SORCS2: variants seen among roughly 807,000 people sequenced by gnomAD.
SORCS2 encodes the protein VPS10 domain-containing receptor SorCS2.
In SORCS2, 100 loss-of-function variants were observed where a neutral mutation model predicts 141.6. That is an observed-to-expected ratio of 0.71 (90% CI 0.60 to 0.83). SORCS2 has a LOEUF of 0.83. Among genes scored for constraint, SORCS2 ranks in the 40% least tolerant of loss-of-function variants. The pLI is 0.00. For missense variants in SORCS2, 1,646 were observed against 1,560.2 expected (o/e 1.05, Z -0.93); for synonymous variants, 789 against 676.9 (o/e 1.17, Z -2.57).
intron 1 of SORCS2, among the ~76,000 whole-genome samples, chr4:7,316,468 G>T (rs1008933777): frequency 6.6e-6 from 1 of 152,158 alleles, no homozygotes; most frequent in African/African-American, 2.4e-5. Context: ...ACAAGTAAGT[G>T]GATACAAACT....
chr4:7,665,204 TC>T (rs1722431324), intron 7 of SORCS2, among the ~76,000 whole-genome samples: 4 of 152,064 alleles, frequency 2.6e-5, no homozygotes, highest in African/African-American at 9.7e-5. Context: ...CTTCCCAGCC[TC>T]CTCCTTTCCA....
At chr4:7,435,845 T>C (rs73086343) in intron 2 of SORCS2, among the ~76,000 whole-genome samples, 2,452 of 152,346 alleles carry the variant, frequency 0.016, 74 homozygotes, top group African/African-American at 0.057. Context: ...TCTGGCCTAA[T>C]TGCCAAACAG....
intron 1 of SORCS2, among the ~76,000 whole-genome samples, chr4:7,394,576 A>C: frequency 6.6e-6 from 1 of 151,002 alleles, no homozygotes; most frequent in Non-Finnish European, 1.5e-5. Context: ...AAGGCCCCAA[A>C]TGCTGGGGTT....
At chr4:7,512,190 G>A (rs554646823) in intron 2 of SORCS2, among the ~76,000 whole-genome samples, 3 of 152,210 alleles carry the variant, frequency 2.0e-5, no homozygotes, top group East Asian at 3.9e-4. Context: ...GAGAGCATCT[G>A]AGAGGCTCGC....
At chr4:7,597,752 G>A (rs987831826) in intron 3 of SORCS2, among the ~76,000 whole-genome samples, 1 of 152,066 alleles carries the variant, frequency 6.6e-6, no homozygotes, top group Admixed American at 6.5e-5. Flanking sequence ...ATTGCAGTAA[G>A]AGGAACATTC....
At chr4:7,561,535 T>A (rs951591125) in intron 3 of SORCS2, among the ~76,000 whole-genome samples, 1 of 150,078 alleles carries the variant, frequency 6.7e-6, no homozygotes, top group Non-Finnish European at 1.5e-5. Flanking sequence ...CATCCATCCA[T>A]GTATCCATTC....
At chr4:7,288,103 C>T (rs1405959877) in intron 1 of SORCS2, among the ~76,000 whole-genome samples, 7 of 152,094 alleles carry the variant, frequency 4.6e-5, no homozygotes, top group Non-Finnish European at 5.9e-5. Context: ...CCCGGGGTTT[C>T]GATGCAGTGT....
chr4:7,379,398 C>T (rs1033062860), intron 1 of SORCS2, among the ~76,000 whole-genome samples: 7 of 152,124 alleles, frequency 4.6e-5, no homozygotes, highest in East Asian at 1.9e-4. Flanking sequence ...GGTGGAAGCA[C>T]GAGAGGCGTA....
At chr4:7,410,948 C>CGTTT (rs1560262247) in intron 2 of SORCS2, among the ~76,000 whole-genome samples, 1 of 94,576 alleles carries the variant, frequency 1.1e-5, no homozygotes, top group Admixed American at 1.3e-4. Flanking sequence ...TTCTCTCCAT[C>CGTTT]CTTTTTTTTT....
chr4:7,667,122 A>T lies in SORCS2; in HGVS notation c.1072-2A>T. On this transcript the variant is annotated splice_acceptor_variant, in intron 7 of 26. Transcript: ENST00000507866. LOFTEE classifies it high-confidence loss of function. The stretch of plus-strand genomic sequence containing the variant: ...CAAAAATGTGTTTCTTCCCCCGGTT[A>T]GGCAACATCAGCAAACCAGACAAAA... The T allele has an allele frequency of 6.2e-7, 1 of 1,612,054 alleles. No homozygotes were observed. Among genetic ancestry groups the T allele is most frequent in the Non-Finnish European group, 8.5e-7 (1 of 1,178,202 alleles).
intron 2 of SORCS2, among the ~76,000 whole-genome samples, chr4:7,473,020 G>C (rs1161675255): frequency 6.6e-6 from 1 of 152,118 alleles, no homozygotes; most frequent in Non-Finnish European, 1.5e-5. Context: ...TGGCCTGTGG[G>C]GTTTTGCATG....
At chr4:7,703,242 T>G (rs768129004) in intron 12 of SORCS2, 38 bp from the exon 13 acceptor site, 1 of 1,554,498 alleles carries the variant, frequency 6.4e-7, no homozygotes, top group South Asian at 1.2e-5. Flanking sequence ...TCCGACCTTC[T>G]CAGGCCCTGC....
intron 1 of SORCS2, among the ~76,000 whole-genome samples, chr4:7,277,758 C>A (rs1182361904): frequency 6.6e-6 from 1 of 152,156 alleles, no homozygotes; most frequent in Non-Finnish European, 1.5e-5. Flanking sequence ...TCAGAGCCAG[C>A]CTGCCTACCG....
intron 2 of SORCS2, among the ~76,000 whole-genome samples, chr4:7,477,736 A>C (rs898040808): frequency 6.6e-6 from 1 of 152,168 alleles, no homozygotes; most frequent in African/African-American, 2.4e-5. Context: ...AGCCCAGTGA[A>C]GCCGGAGAGA....
chr4:7,628,938 C>A (rs1286422401), intron 3 of SORCS2, among the ~76,000 whole-genome samples: 1 of 152,146 alleles, frequency 6.6e-6, no homozygotes, highest in Non-Finnish European at 1.5e-5. Flanking sequence ...TTAATAATTG[C>A]TTTTTAAGAC....
intron 2 of SORCS2, among the ~76,000 whole-genome samples, chr4:7,498,515 C>A (rs544240585): frequency 3.3e-5 from 5 of 152,340 alleles, no homozygotes; most frequent in Non-Finnish European, 4.4e-5. Flanking sequence ...GTACCAAAAT[C>A]CCAACCCCTC....
At chr4:7,283,908 C>T (rs911348088) in intron 1 of SORCS2, among the ~76,000 whole-genome samples, 16 of 152,058 alleles carry the variant, frequency 1.1e-4, no homozygotes, top group Admixed American at 4.6e-4. Context: ...GCCATAGGAG[C>T]GAGGGATCCT....
At chr4:7,498,801 C>T (rs1490644737) in intron 2 of SORCS2, among the ~76,000 whole-genome samples, 1 of 152,228 alleles carries the variant, frequency 6.6e-6, no homozygotes, top group East Asian at 1.9e-4. Context: ...TGAGCAACCC[C>T]TGGCCCTCCC....
intron 2 of SORCS2, chr4:7,434,105 C>T (rs200539677): frequency 6.1e-5 from 98 of 1,611,824 alleles, no homozygotes; most frequent in Admixed American, 1.7e-4. Context: ...CGGGCAGGTG[C>T]CCCTAGCTCC....
Sources: allele counts gnomAD v4.1 joint callset (sites outside exome capture counted in the v4.1 genomes callset), GRCh38; gene constraint gnomAD v4.1.1; transcripts MANE v1.5; gene names NCBI Gene and HGNC (gene_info 2026-07-23, HGNC 2026-07-21).